The following MDH1 variants were observed in gnomAD, a reference collection of about 807,000 sequenced individuals.
MDH1 encodes the protein malate dehydrogenase, cytoplasmic.
MDH1 carries 15 observed loss-of-function variants against 38.7 expected under a neutral mutation model. The ratio of observed to expected loss-of-function variants is 0.39; its 90% CI spans 0.26 to 0.60. The LOEUF is 0.60. Ranked by LOEUF, MDH1 falls within the 20% of genes least tolerant of loss-of-function variation. The pLI, the probability that MDH1 is intolerant of heterozygous loss-of-function variation, is 0.56. For missense variants in MDH1, 368 were observed against 405.2 expected, an observed-to-expected ratio of 0.91 and a Z score of 0.79; for synonymous variants, 144 against 143.6, an observed-to-expected ratio of 1.00 and a Z score of -0.02.
chr2:63,603,655 C>CTTTTTTTTTTT (rs11297982), intron 5 of MDH1, among the ~76,000 whole-genome samples: 1 of 99,112 alleles, frequency 1.0e-5, no homozygotes, highest in Non-Finnish European at 1.9e-5. Context: ...CAAGACATTT[C>CTTTTTTTTTTT]TTTTTTTTTT....
intron 8 of MDH1, 60 bp from the exon 9 acceptor site, chr2:63,606,802 T>C (rs922706748): frequency 1.5e-6 from 2 of 1,357,118 alleles, no homozygotes; most frequent in Admixed American, 4.2e-5. Flanking sequence ...CAAACAAGGT[T>C]GTTGCTTACT....
In MDH1 at chr2:63,607,019, C is replaced by G. The variant is rs1374824946; in HGVS notation, c.*32C>G. ...AATGATGTTACTAAATGCTTCAAAG[C>G]TGAAGAATCTAAATGTCGTCTTTGA... On this transcript the variant is annotated 3_prime_UTR_variant, in exon 9 of 9. Transcript: ENST00000233114. 3 of 1,585,400 alleles carry G rather than the reference C, an allele frequency of 1.9e-6. No individual in the cohort carries two copies. Among genetic ancestry groups the G allele is most frequent in the Non-Finnish European group, 2.6e-6 (3 of 1,167,798 alleles).
intron 1 of MDH1, chr2:63,593,214 C>T (rs1415179902): frequency 1.2e-5 from 2 of 169,874 alleles, no homozygotes; most frequent in African/African-American, 4.7e-5. Context: ...ATTCACCTGC[C>T]TCAGCCTTCC....
At chr2:63,606,658 GTTTTTT>G (rs796718833) in intron 8 of MDH1, among the ~76,000 whole-genome samples, 198 bp from the exon 9 acceptor site, 1 of 145,154 alleles carries the variant, frequency 6.9e-6, no homozygotes, top group Non-Finnish European at 1.5e-5. Flanking sequence ...CATTTTTGAA[GTTTTTT>G]TTTTTTAGAT....
At position 63,589,100 on chromosome 2, in the gene MDH1, G is replaced by C; in HGVS notation, c.3+54G>C. 7 of 1,614,102 alleles carry C rather than the reference G, an allele frequency of 4.3e-6. No individual in the cohort carries two copies. In the Admixed American group the frequency reaches 5.0e-5, roughly 12 times the overall value. On this transcript the variant is annotated intron_variant, in intron 1 of 8. Coordinates refer to ENST00000233114, the MANE Select transcript of MDH1 (RefSeq NM_005917.4). Reference sequence around the variant, plus strand: ...CCTCTGGCCCTCGCGCCCTTGAGTGGGGTTTCTTGCACTTTAGGGACTTTT... The same window carrying C: ...CCTCTGGCCCTCGCGCCCTTGAGTGCGGTTTCTTGCACTTTAGGGACTTTT...
chr2:63,604,933 G>A (rs1709499259), intron 6 of MDH1, 61 bp downstream of exon 6: 2 of 1,554,426 alleles, frequency 1.3e-6, no homozygotes, highest in Non-Finnish European at 1.8e-6. Context: ...GAGACTCTTA[G>A]GACAGAAAAC....
chr2:63,603,655 C>CAT, intron 5 of MDH1, among the ~76,000 whole-genome samples: 1 of 99,112 alleles, frequency 1.0e-5, no homozygotes. Context: ...CAAGACATTT[C>CAT]TTTTTTTTTT....
At chr2:63,600,483 AT>A (rs540221435) in intron 5 of MDH1, among the ~76,000 whole-genome samples, 90 of 152,316 alleles carry the variant, frequency 5.9e-4, no homozygotes, top group Non-Finnish European at 1.2e-3. Flanking sequence ...TAGCTCTGTG[AT>A]TTTGAGAAAG....
At chr2:63,597,330 C>A in intron 3 of MDH1, 69 bp from the exon 4 acceptor site, 1 of 1,306,816 alleles carries the variant, frequency 7.7e-7, no homozygotes, top group South Asian at 3.2e-5. Context: ...TGGGTAGATT[C>A]AATATGAAAA....
chr2:63,595,491 G>A lies in MDH1; in HGVS notation c.171G>A (p.Leu57=), dbSNP rs1709292879. 1.2e-6 allele frequency: 2 copies of A among 1,611,900 alleles called. No homozygotes were observed. The highest frequency in any genetic ancestry group is 4.5e-5 in the East Asian group (2 of 44,866). ...MGVLDGVLME[L]QDCALPLLKD... is the part of the protein sequence containing the mutation. ...TCCTGGACGGTGTCCTAATGGAACT[G>A]CAAGACTGTGCCCTTCCCCTCCTGA... is the stretch of plus-strand genomic sequence containing the variant. Residue 57 remains leucine (L), a synonymous_variant, in exon 3 of 9, where the codon CTG becomes CTA. Coordinates refer to ENST00000233114, the MANE Select transcript of MDH1 (RefSeq NM_005917.4).
chr2:63,595,451 C>A lies in MDH1; in HGVS notation c.131C>A (p.Thr44Asn). The change falls in exon 3 of 9, where the codon ACC (threonine) becomes AAC (asparagine). Residue 44 changes from threonine to asparagine, a missense_variant. By Grantham distance (65) the Thr-to-Asn change is moderately conservative. Transcript: ENST00000233114. ...ATAATTCTTGTGCTGTTGGATATCA[C>A]CCCCATGATGGGTGTCCTGGACGGT... is the stretch of plus-strand genomic sequence containing the variant. ...QPIILVLLDI[T>N]PMMGVLDGVL... 6.2e-7 allele frequency: 1 copy of A among 1,612,238 alleles called. No individual in the cohort carries two copies. Among genetic ancestry groups the A allele is most frequent in the Non-Finnish European group, 8.5e-7 (1 of 1,178,292 alleles).
At chr2:63,606,567 A>C (rs970045242) in intron 8 of MDH1, among the ~76,000 whole-genome samples, 5 of 152,228 alleles carry the variant, frequency 3.3e-5, no homozygotes, top group African/African-American at 1.2e-4. Context: ...CTAGTATTAG[A>C]GACCTACAAA....
intron 1 of MDH1, chr2:63,589,371 A>G (rs1709104173): frequency 3.9e-6 from 6 of 1,550,480 alleles, no homozygotes; most frequent in South Asian, 3.6e-5. Flanking sequence ...ACGGTGTTTG[A>G]TAAGGACGAT....
At chr2:63,606,480 T>C (rs1709530666) in intron 8 of MDH1, among the ~76,000 whole-genome samples, 1 of 152,236 alleles carries the variant, frequency 6.6e-6, no homozygotes, top group Admixed American at 6.5e-5. Context: ...CTTCAGGTCA[T>C]TGAAAGTTTT....
In MDH1 at chr2:63,599,250, C is replaced by A; in HGVS notation, c.456C>A (p.Phe152Leu). ...CTCCATCCATCCCCAAGGAGAACTT[C>A]AGTTGCTTGACTCGTTTGGATCACA... ...KSAPSIPKEN[F>L]SCLTRLDHNR... Residue 152 changes from phenylalanine (F) to leucine (L), a missense_variant, in exon 5 of 9, where the codon TTC (phenylalanine) becomes TTA (leucine). Coordinates refer to ENST00000233114, the MANE Select transcript of MDH1 (RefSeq NM_005917.4). 1 of 1,613,720 alleles carries A rather than the reference C, an allele frequency of 6.2e-7. No individual in the cohort carries two copies. The highest frequency in any genetic ancestry group is 8.5e-7 in the Non-Finnish European group (1 of 1,179,724).
rs1709545707 is a variant in MDH1 at position 63,606,988 on chromosome 2, C to G, written c.*1C>G. 6.2e-7 allele frequency: 1 copy of G among 1,609,842 alleles called. No homozygotes were observed. Among genetic ancestry groups the G allele is most frequent in the African/African-American group, 1.3e-5 (1 of 74,878 alleles). On this transcript the variant is annotated 3_prime_UTR_variant, in exon 9 of 9. Coordinates refer to ENST00000233114, the MANE Select transcript of MDH1 (RefSeq NM_005917.4). ...TTTTGAATTTCTTTCCTCTGCCTGA[C>G]TAGACAATGATGTTACTAAATGCTT... is the stretch of plus-strand genomic sequence containing the variant.
At chr2:63,604,025 C>G (rs1347327178) in intron 5 of MDH1, among the ~76,000 whole-genome samples, 1 of 152,196 alleles carries the variant, frequency 6.6e-6, no homozygotes, top group Admixed American at 6.5e-5. Context: ...TTGCAGGACC[C>G]TAAAGTGCTT....
Position 63,604,766 on chromosome 2 carries a change from C to T in MDH1, c.569C>T (p.Thr190Ile). 6.2e-7 allele frequency: 1 copy of T among 1,614,120 alleles called. No homozygotes were observed. The highest frequency in any genetic ancestry group is 8.5e-7 in the Non-Finnish European group (1 of 1,179,960). The change falls in exon 6 of 9, where the codon ACT (threonine) becomes ATT (isoleucine). Residue 190 changes from threonine to isoleucine, a missense_variant. By Grantham distance (89) the Thr-to-Ile change is moderately conservative. Coordinates refer to ENST00000233114, the MANE Select transcript of MDH1 (RefSeq NM_005917.4). ...ATTATCTGGGGAAACCATTCCTCGA[C>T]TCAGTATCCAGATGTCAACCATGCC... ...NVIIWGNHSS[T>I]QYPDVNHAKV... is the part of the protein sequence containing the mutation.
intron 1 of MDH1, chr2:63,593,643 G>A (rs1709244914): frequency 2.1e-6 from 1 of 471,572 alleles, no homozygotes; most frequent in South Asian, 1.5e-5. Flanking sequence ...GGGTAAAGGT[G>A]ACAGTGGAAG....
Sources: gnomAD v4.1 joint callset for allele counts (sites outside exome capture counted in the v4.1 genomes callset) on GRCh38, gnomAD v4.1.1 for gene constraint, MANE v1.5 for transcripts, NCBI Gene and HGNC (gene_info 2026-07-23, HGNC 2026-07-21) for gene names.